GRM7: variants seen among roughly 807,000 people sequenced by gnomAD.
GRM7 encodes glutamate metabotropic receptor 7, also known as metabotropic glutamate receptor 7.
Under a neutral mutation model 84.5 loss-of-function variants are expected in GRM7, and 35 were observed. The ratio of observed to expected loss-of-function variants is 0.41; its 90% CI spans 0.32 to 0.55. The LOEUF (loss-of-function observed/expected upper bound fraction) is 0.55. GRM7 is among the 20% of genes least tolerant of loss of function. The pLI, the probability that GRM7 is intolerant of heterozygous loss-of-function variation, is 0.19. For synonymous variants in GRM7, 487 were observed against 455.1 expected (o/e 1.07, Z -0.89); for missense variants, 1,003 against 1,194.6 (o/e 0.84, Z 2.36).
intron 1 of GRM7, among the ~76,000 whole-genome samples, chr3:7,120,053 T>C (rs1343722718): frequency 2.0e-5 from 3 of 151,944 alleles, no homozygotes; most frequent in African/African-American, 7.2e-5. Flanking sequence ...GATTGAGAGA[T>C]AAAATAAACA....
At chr3:6,868,264 C>T (rs1051772543) in intron 1 of GRM7, among the ~76,000 whole-genome samples, 5 of 152,248 alleles carry the variant, frequency 3.3e-5, no homozygotes, top group South Asian at 2.1e-4. Flanking sequence ...CAAACCACTA[C>T]GTATACTGCT....
chr3:7,460,777 G>A (rs1242881184), intron 6 of GRM7, among the ~76,000 whole-genome samples: 2 of 152,032 alleles, frequency 1.3e-5, no homozygotes, highest in East Asian at 1.9e-4. Context: ...TGTTCTATGT[G>A]GTTAATATTA....
chr3:6,892,109 T>C lies in GRM7; in HGVS notation c.519+30202T>C, dbSNP rs1695979196. ...CAGCTCCTTTAAGCACTTCTCTGTA[T>C]TGGTTATTCTAGTTATACATTCGTC... On this transcript the variant is annotated intron_variant, in intron 1 of 9. Coordinates refer to ENST00000357716, the MANE Select transcript of GRM7 (RefSeq NM_000844.4). Among the ~76,000 whole-genome samples, 5 of 152,174 alleles carry C rather than the reference T, an allele frequency of 3.3e-5. No homozygotes were observed. The South Asian group carries it at 1.0e-3, about 31-fold the overall frequency.
chr3:7,415,966 G>T (rs1696142176), intron 5 of GRM7, among the ~76,000 whole-genome samples: 1 of 152,160 alleles, frequency 6.6e-6, no homozygotes, highest in Non-Finnish European at 1.5e-5. Context: ...TGTCTCAAAA[G>T]ACCCTTTTGG....
intron 2 of GRM7, among the ~76,000 whole-genome samples, chr3:7,276,742 T>G (rs1699072076): frequency 2.0e-5 from 3 of 150,442 alleles, no homozygotes; most frequent in Admixed American, 2.0e-4. Context: ...CTCCTGTTTC[T>G]TTCTGTTTCT....
intron 1 of GRM7, among the ~76,000 whole-genome samples, chr3:7,087,333 T>C (rs796526703): frequency 9.2e-5 from 14 of 152,206 alleles, no homozygotes; most frequent in African/African-American, 3.4e-4. Context: ...AATGATTATA[T>C]CTAATTTGTG....
chr3:7,633,749 T>A (rs1697954720), intron 8 of GRM7, among the ~76,000 whole-genome samples: 1 of 152,190 alleles, frequency 6.6e-6, no homozygotes. Flanking sequence ...CCGCAATGCA[T>A]TACCGTTAAT....
chr3:6,867,560 A>G (rs559023903), intron 1 of GRM7, among the ~76,000 whole-genome samples: 2 of 152,304 alleles, frequency 1.3e-5, no homozygotes, highest in East Asian at 3.9e-4. Flanking sequence ...GTATAATGGA[A>G]TACAAAGTAC....
chr3:7,536,017 GCTC>G (rs1439026492), intron 7 of GRM7, among the ~76,000 whole-genome samples: 4 of 152,168 alleles, frequency 2.6e-5, no homozygotes, highest in Non-Finnish European at 5.9e-5. Context: ...AGAAACTGGT[GCTC>G]CTCTAATAGG....
At chr3:7,614,068 A>T (rs903479878) in intron 8 of GRM7, among the ~76,000 whole-genome samples, 4 of 152,136 alleles carry the variant, frequency 2.6e-5, no homozygotes, top group Non-Finnish European at 5.9e-5. Context: ...GTTGGAGACT[A>T]GCCTGGCCAA....
intron 1 of GRM7, among the ~76,000 whole-genome samples, chr3:7,112,590 G>C (rs1031368230): frequency 5.9e-5 from 9 of 152,064 alleles, no homozygotes; most frequent in African/African-American, 2.2e-4. Flanking sequence ...ATCTTGCAAT[G>C]GATGCTGATC....
chr3:7,516,825 C>T (rs1028200238), intron 7 of GRM7, among the ~76,000 whole-genome samples: 1 of 152,126 alleles, frequency 6.6e-6, no homozygotes, highest in African/African-American at 2.4e-5. Flanking sequence ...AGCATTTTTT[C>T]ATTTAAGTTT....
At chr3:7,417,329 T>C (rs2125184076) in intron 5 of GRM7, among the ~76,000 whole-genome samples, 1 of 152,266 alleles carries the variant, frequency 6.6e-6, no homozygotes, top group African/African-American at 2.4e-5. Flanking sequence ...CATTACCGTA[T>C]CTCTTACTCT....
rs9878412 is a variant in GRM7 at position 7,740,627 on chromosome 3, C to T, written c.*221C>T. ...GTCACTGACATCAGCACTGCCAACT[C>T]GGCTGCAATTGTGGACCTTCCCTAC... On this transcript the variant is annotated 3_prime_UTR_variant, in exon 10 of 10. Transcript: ENST00000357716. The T allele has an allele frequency of 0.012, 4,940 of 400,378 alleles. 222 individuals carry two copies. Among genetic ancestry groups the T allele is most frequent in the African/African-American group, 0.091 (4,372 of 48,118 alleles). The allele number at this position is 400,378 out of a possible 1,614,324, so 24.8% of individuals were successfully genotyped here. A position where few individuals can be genotyped will look rare whatever the true frequency, so the allele number is the denominator to read the frequency against.
At chr3:6,913,904 C>A (rs968587861) in intron 1 of GRM7, among the ~76,000 whole-genome samples, 2 of 152,180 alleles carry the variant, frequency 1.3e-5, no homozygotes, top group Non-Finnish European at 2.9e-5. Flanking sequence ...CAAAAACAGT[C>A]TGCCAGATAA....
chr3:7,646,696 G>C (rs530660145), intron 8 of GRM7, among the ~76,000 whole-genome samples: 1 of 152,180 alleles, frequency 6.6e-6, no homozygotes, highest in Non-Finnish European at 1.5e-5. Context: ...TGATTTTGGG[G>C]GGGAAGGTTA....
intron 1 of GRM7, among the ~76,000 whole-genome samples, chr3:7,067,216 AG>A: frequency 6.6e-6 from 1 of 152,108 alleles, no homozygotes; most frequent in Admixed American, 6.6e-5. Context: ...AAATTGGTAA[AG>A]GGGAAGTCAA....
intron 4 of GRM7, among the ~76,000 whole-genome samples, chr3:7,344,348 G>A (rs1478465097): frequency 6.6e-6 from 1 of 152,062 alleles, no homozygotes; most frequent in African/African-American, 2.4e-5. Context: ...TGCAGCATTT[G>A]GTTTTCTATT....
rs1694786294 is a variant in GRM7, at chr3:6,862,429, A to G, written c.519+522A>G. 6.6e-6 allele frequency among the ~76,000 whole-genome samples: 1 copy of G among 151,980 alleles called. No individual in the cohort carries two copies. Among genetic ancestry groups the G allele is most frequent in the African/African-American group, 2.4e-5 (1 of 41,404 alleles). ...TAAATCGAGGGCTCCGTCTTAACCT[A>G]GATGTGGATGTTAAGTCCGCATCTC... On this transcript the variant is annotated intron_variant, in intron 1 of 9. Transcript: ENST00000357716. This position sits in a 1 kb window ranked among gnomAD's most constrained non-coding sequence, Gnocchi z 5.2.
Sources: allele counts gnomAD v4.1 joint callset (sites outside exome capture counted in the v4.1 genomes callset), GRCh38; gene constraint gnomAD v4.1.1; non-coding constraint Gnocchi (gnomAD v3.1); transcripts MANE v1.5; gene names NCBI Gene and HGNC (gene_info 2026-07-23, HGNC 2026-07-21).